The following SEMA6A variants were observed in gnomAD, a reference collection of about 807,000 sequenced individuals.
SEMA6A encodes the protein semaphorin 6A.
Under a neutral mutation model 96.8 loss-of-function variants are expected in SEMA6A, and 25 were observed. The observed-to-expected ratio is 0.26, with a 90% CI of 0.19 to 0.36. The LOEUF (loss-of-function observed/expected upper bound fraction) is 0.36. SEMA6A is among the 10% of genes least tolerant of loss of function. The probability of loss-of-function intolerance (pLI) is 1.00; values close to 1 mark genes in which losing one functional copy is unlikely to be tolerated. For missense variants in SEMA6A, 1,363 were observed against 1,323.1 expected (o/e 1.03, Z -0.47); for synonymous variants, 612 against 518.0 (o/e 1.18, Z -2.46).
intron 1 of SEMA6A, among the ~76,000 whole-genome samples, chr5:116,534,697 T>C (rs1268486761): frequency 5.3e-5 from 8 of 152,240 alleles, no homozygotes; most frequent in Admixed American, 5.2e-4. Flanking sequence ...GAAATGAGCT[T>C]GTATGTTTAC....
intron 1 of SEMA6A, among the ~76,000 whole-genome samples, chr5:116,567,109 T>C (rs1382260798): frequency 1.3e-5 from 2 of 152,216 alleles, no homozygotes; most frequent in Non-Finnish European, 2.9e-5. Flanking sequence ...AAACTATCCC[T>C]TGGGCTCCTA....
intron 12 of SEMA6A, among the ~76,000 whole-genome samples, chr5:116,479,568 G>A (rs551485681): frequency 6.6e-6 from 1 of 152,268 alleles, no homozygotes; most frequent in African/African-American, 2.4e-5. Context: ...GAACTGCTTG[G>A]AAATAAGCTC....
chr5:116,447,296 G>C lies in SEMA6A; in HGVS notation c.2410C>G (p.Pro804Ala), dbSNP rs752800180. 1 of 1,613,682 alleles carries C rather than the reference G, an allele frequency of 6.2e-7. No individual in the cohort carries two copies. Among genetic ancestry groups the C allele is most frequent in the Non-Finnish European group, 8.5e-7 (1 of 1,179,908 alleles). Reference protein sequence around the residue: ...MGSPVIPTDLPLRASPSHIPS... With the variant: ...MGSPVIPTDLALRASPSHIPS... ...ATGTGGCTGGGGGAGGCCCGCAGGG[G>C]CAGGTCCGTGGGAATCACAGGGGAG... Residue 804 changes from proline (P) to alanine (A), a missense_variant, in exon 19 of 19, where the codon CCC (proline) becomes GCC (alanine). By Grantham distance (27) the Pro-to-Ala change is conservative (BLOSUM62 -1). This residue lies in a region of SEMA6A where 883 missense variants were observed against 763.6 expected (regional missense o/e 1.16). Coordinates refer to ENST00000343348, the MANE Select transcript of SEMA6A (RefSeq NM_020796.5).
intron 10 of SEMA6A, among the ~76,000 whole-genome samples, chr5:116,483,687 T>C (rs1756903638): frequency 2.0e-5 from 3 of 152,218 alleles, no homozygotes; most frequent in Admixed American, 1.3e-4. Flanking sequence ...TTAAAATGCT[T>C]ATTTAAAATA....
intron 1 of SEMA6A, among the ~76,000 whole-genome samples, chr5:116,526,019 C>A (rs1580475152): frequency 6.7e-6 from 1 of 148,390 alleles, no homozygotes; most frequent in East Asian, 2.1e-4. Context: ...ACCAGAATTT[C>A]AATAAACTGC....
chr5:116,446,569 T>C lies in SEMA6A; in HGVS notation c.*44A>G, dbSNP rs763120516. The C allele has an allele frequency of 1.9e-5, 27 of 1,439,740 alleles. No individual in the cohort carries two copies. The highest frequency in any genetic ancestry group is 1.8e-4 in the Middle Eastern group (1 of 5,522). 89.2% of individuals were successfully genotyped at this position (1,439,740 alleles called of 1,614,324 possible). ...AACCTTGCTGAGCTGAGCGGGCACC[T>C]CGCCTTGCCTGCTGGTTCGACACCT... On this transcript the variant is annotated 3_prime_UTR_variant, in exon 19 of 19. Coordinates refer to ENST00000343348, the MANE Select transcript of SEMA6A (RefSeq NM_020796.5).
intron 1 of SEMA6A, among the ~76,000 whole-genome samples, chr5:116,564,860 A>T (rs1372876647): frequency 6.6e-6 from 1 of 152,252 alleles, no homozygotes; most frequent in Admixed American, 6.5e-5. Context: ...CTTAGCAATG[A>T]GTGTCAAGTG....
rs929414961 is a variant in SEMA6A at position 116,445,330 on chromosome 5, G to A, written c.*1283C>T. ...GCACAAATTTACATGTGGAAAACAG[G>A]CTATTCACAGATGTAACCCCACGAA... On this transcript the variant is annotated 3_prime_UTR_variant, in exon 19 of 19. Coordinates refer to ENST00000343348, the MANE Select transcript of SEMA6A (RefSeq NM_020796.5). 1 of 152,614 alleles carries A rather than the reference G, an allele frequency of 6.6e-6. No homozygotes were observed. The highest frequency in any genetic ancestry group is 1.5e-5 in the Non-Finnish European group (1 of 68,040). The allele number at this position is 152,614 out of a possible 1,614,324, so 9.5% of individuals were successfully genotyped here. A position where few individuals can be genotyped will look rare whatever the true frequency, so the allele number is the denominator to read the frequency against.
intron 10 of SEMA6A, among the ~76,000 whole-genome samples, chr5:116,483,371 T>G (rs1035591117): frequency 6.6e-6 from 1 of 152,180 alleles, no homozygotes; most frequent in Non-Finnish European, 1.5e-5. Flanking sequence ...TCCTTGATTT[T>G]GATCAAATAA....
chr5:116,530,570 T>C lies in SEMA6A; in HGVS notation c.-38-25588A>G, dbSNP rs7701044. Among the ~76,000 whole-genome samples, 812 of 152,274 alleles carry C rather than the reference T, an allele frequency of 5.3e-3. 15 individuals are homozygous for C. The highest frequency in any genetic ancestry group is 0.019 in the African/African-American group (770 of 41,548). On this transcript the variant is annotated intron_variant, in intron 1 of 18. Coordinates refer to ENST00000343348, the MANE Select transcript of SEMA6A (RefSeq NM_020796.5). Reference sequence around the variant, plus strand: ...ATGAAACAGAATCTGGTAAGCTTTTTTTAAGAGAAAAAAATATTTTAGAAG... The same window carrying C: ...ATGAAACAGAATCTGGTAAGCTTTTCTTAAGAGAAAAAAATATTTTAGAAG...
intron 1 of SEMA6A, among the ~76,000 whole-genome samples, chr5:116,571,690 G>A (rs1277693066): frequency 6.6e-6 from 1 of 152,162 alleles, no homozygotes; most frequent in East Asian, 1.9e-4. Context: ...GATAGTTTAG[G>A]TTAATAGGTG....
chr5:116,502,348 G>C, intron 2 of SEMA6A, 21 bp from the exon 3 acceptor site: 1 of 1,604,892 alleles, frequency 6.2e-7, no homozygotes. Flanking sequence ...AGGAGATGGG[G>C]CAAGAAAGGA....
intron 1 of SEMA6A, among the ~76,000 whole-genome samples, chr5:116,570,986 A>G (rs374463471): frequency 6.6e-6 from 1 of 152,232 alleles, no homozygotes; most frequent in Non-Finnish European, 1.5e-5. Flanking sequence ...TACAACTGCT[A>G]TATGTGTTTA....
intron 3 of SEMA6A, chr5:116,499,062 C>CG (rs1231850492): frequency 6.6e-6 from 1 of 152,164 alleles, no homozygotes; most frequent in African/African-American, 2.4e-5. Flanking sequence ...CTCAGTCCCC[C>CG]GGGTTCTGGA....
chr5:116,527,270 T>C (rs1249640044), intron 1 of SEMA6A, among the ~76,000 whole-genome samples: 1 of 152,118 alleles, frequency 6.6e-6, no homozygotes, highest in East Asian at 1.9e-4. Flanking sequence ...AAAGAAGCAA[T>C]TGAATATTTC....
intron 1 of SEMA6A, among the ~76,000 whole-genome samples, chr5:116,510,388 A>G (rs1758352014): frequency 6.6e-6 from 1 of 152,146 alleles, no homozygotes; most frequent in African/African-American, 2.4e-5. Flanking sequence ...ACATCAAACT[A>G]TTGCAATAAC....
chr5:116,454,825 C>CGT (rs955848229), intron 18 of SEMA6A, among the ~76,000 whole-genome samples: 7 of 150,732 alleles, frequency 4.6e-5, no homozygotes, highest in African/African-American at 9.8e-5. Flanking sequence ...TGTGTGTGCG[C>CGT]GTGTGTGTGT....
At chr5:116,570,244 C>G (rs1040605540) in intron 1 of SEMA6A, among the ~76,000 whole-genome samples, 1 of 152,190 alleles carries the variant, frequency 6.6e-6, no homozygotes, top group Non-Finnish European at 1.5e-5. Flanking sequence ...GAGAATAGCT[C>G]AGTTGCTCTT....
intron 18 of SEMA6A, among the ~76,000 whole-genome samples, chr5:116,448,057 G>C (rs915973467): frequency 2.0e-5 from 3 of 151,900 alleles, no homozygotes; most frequent in Admixed American, 6.6e-5. Context: ...GTTCAGGCCG[G>C]GCACGGTGAC....
Sources: gnomAD v4.1 joint callset for allele counts (sites outside exome capture counted in the v4.1 genomes callset) on GRCh38, gnomAD v4.1.1 for gene constraint, gnomAD v4.1.1 regional missense constraint, MANE v1.5 for transcripts, NCBI Gene and HGNC (gene_info 2026-07-23, HGNC 2026-07-21) for gene names.